EIPR1: variants seen among roughly 807,000 people sequenced by gnomAD.
EIPR1 encodes the protein EARP and GARP complex-interacting protein 1.
A neutral mutation model predicts 48.1 loss-of-function variants in EIPR1; 25 were observed. That is an observed-to-expected ratio of 0.52 (90% CI 0.38 to 0.73). EIPR1 has a LOEUF of 0.73. Ranked by LOEUF, EIPR1 falls within the 30% of genes least tolerant of loss-of-function variation. The pLI is 0.00. For missense variants in EIPR1, 415 were observed against 506.2 expected (o/e 0.82, Z 1.73); for synonymous variants, 204 against 201.9 (o/e 1.01, Z -0.09).
chr2:3,240,585 C>T (rs1666577687), intron 4 of EIPR1, among the ~76,000 whole-genome samples: 1 of 149,244 alleles, frequency 6.7e-6, no homozygotes, highest in South Asian at 2.1e-4. Flanking sequence ...GCCAGCAGAC[C>T]CTTCCTAAAG....
intron 4 of EIPR1, among the ~76,000 whole-genome samples, chr2:3,246,811 GGGAGGGAGGGAGGAAGGGAGGGAA>G (rs1558248756): frequency 4.7e-5 from 3 of 64,160 alleles, no homozygotes; most frequent in South Asian, 1.8e-3. Flanking sequence ...GAGGCAGGGA[GGGAGGGAGGGAGGAAGGGAGGGAA>G]GGAGGAAGGG....
chr2:3,206,071 G>A (rs1665224840), intron 5 of EIPR1, among the ~76,000 whole-genome samples: 1 of 152,284 alleles, frequency 6.6e-6, no homozygotes, highest in East Asian at 1.9e-4. Flanking sequence ...GAAATCTGCT[G>A]GAGTCCCTGA....
chr2:3,293,087 T>C (rs1389532557), intron 3 of EIPR1, among the ~76,000 whole-genome samples: 4 of 152,246 alleles, frequency 2.6e-5, no homozygotes, highest in African/African-American at 7.2e-5. Flanking sequence ...CTACGAGTCT[T>C]CCTCTGTTTC....
chr2:3,237,835 C>T (rs1382530445), intron 4 of EIPR1, among the ~76,000 whole-genome samples: 7 of 152,220 alleles, frequency 4.6e-5, no homozygotes, highest in African/African-American at 1.7e-4. Context: ...CAACAGTCAA[C>T]ACTGAGAACA....
intron 5 of EIPR1, chr2:3,208,636 G>A: frequency 1.9e-6 from 3 of 1,550,598 alleles, no homozygotes; most frequent in South Asian, 1.2e-5. Context: ...ATGGCATTCT[G>A]GTATGCTTGG....
intron 4 of EIPR1, among the ~76,000 whole-genome samples, chr2:3,240,551 C>T (rs1666576103): frequency 1.3e-5 from 2 of 150,432 alleles, no homozygotes; most frequent in East Asian, 2.0e-4. Flanking sequence ...TAAAGCAAAG[C>T]CAGTAGATCC....
rs991883780 is a variant in EIPR1, at chr2:3,189,892, T to C, written c.990-384A>G. On this transcript the variant is annotated intron_variant, in intron 8 of 8. Transcript: ENST00000382125. This position sits in a 1 kb window ranked among gnomAD's most constrained non-coding sequence, Gnocchi z 4.6. ...GGGGGAAGTAGTCACCGTGTCTGGG[T>C]AACACAGGATGTAAACGCCCCTATT... Among the ~76,000 whole-genome samples the C allele has an allele frequency of 3.3e-5, 5 of 152,150 alleles. No individual in the cohort carries two copies. Among genetic ancestry groups the C allele is most frequent in the African/African-American group, 9.7e-5 (4 of 41,444 alleles).
intron 2 of EIPR1, among the ~76,000 whole-genome samples, chr2:3,341,095 CAAAA>C (rs55667121): frequency 1.7e-3 from 37 of 22,192 alleles, no homozygotes; most frequent in African/African-American, 3.3e-3. Context: ...GATCCTGTCT[CAAAA>C]AAAAAAAAAA....
chr2:3,270,869 A>C (rs1480611156), intron 3 of EIPR1, among the ~76,000 whole-genome samples: 1 of 152,242 alleles, frequency 6.6e-6, no homozygotes, highest in Non-Finnish European at 1.5e-5. Context: ...TCTTCTTTTC[A>C]TGAAAGATTT....
intron 3 of EIPR1, chr2:3,274,375 TC>T (rs759105717): frequency 7.1e-6 from 11 of 1,550,188 alleles, no homozygotes; most frequent in Non-Finnish European, 8.7e-6. Context: ...GCAGCTGACT[TC>T]CCAAGAGCAC....
intron 5 of EIPR1, among the ~76,000 whole-genome samples, chr2:3,199,281 T>C (rs778761189): frequency 3.5e-4 from 53 of 152,164 alleles, no homozygotes; most frequent in Non-Finnish European, 6.5e-4. Flanking sequence ...TTTCATATTG[T>C]TCAAACACAC....
At chr2:3,242,024 G>A (rs1030101783) in intron 4 of EIPR1, among the ~76,000 whole-genome samples, 1 of 152,070 alleles carries the variant, frequency 6.6e-6, no homozygotes, top group African/African-American at 2.4e-5. Flanking sequence ...TCCTAGCCCC[G>A]CCGTCATGTA....
chr2:3,189,556 G>A lies in EIPR1; in HGVS notation c.990-48C>T, dbSNP rs1188363692. 3.6e-5 allele frequency: 53 copies of A among 1,479,172 alleles called. No individual in the cohort carries two copies. The highest frequency in any genetic ancestry group is 4.5e-5 in the Non-Finnish European group (49 of 1,098,266). 91.6% of individuals were successfully genotyped at this position (1,479,172 alleles called of 1,614,324 possible). A position where few individuals can be genotyped will look rare whatever the true frequency, so the allele number is the denominator to read the frequency against. On this transcript the variant is annotated intron_variant, in intron 8 of 8. Transcript: ENST00000382125. This position sits in a 1 kb window ranked among gnomAD's most constrained non-coding sequence, Gnocchi z 4.6. ...GTGAGCGCAGCAGCTCCGGCGGGGCGGGCAGGAGAGGGGCAGGGAGGACGC... is the reference window on the plus strand; with the variant it reads ...GTGAGCGCAGCAGCTCCGGCGGGGCAGGCAGGAGAGGGGCAGGGAGGACGC...
intron 8 of EIPR1, among the ~76,000 whole-genome samples, chr2:3,190,205 T>C (rs1664556641): frequency 1.3e-5 from 2 of 152,224 alleles, no homozygotes; most frequent in South Asian, 4.1e-4. Context: ...CAGCACAGCG[T>C]GCATGGGGAG....
chr2:3,230,802 C>G (rs893350590), intron 4 of EIPR1, among the ~76,000 whole-genome samples: 1 of 152,066 alleles, frequency 6.6e-6, no homozygotes, highest in Admixed American at 6.6e-5. Flanking sequence ...GGGCTTTGTT[C>G]TTCTTTCTCA....
intron 1 of EIPR1, among the ~76,000 whole-genome samples, chr2:3,361,141 T>G (rs1475235598): frequency 6.6e-6 from 1 of 152,158 alleles, no homozygotes; most frequent in African/African-American, 2.4e-5. Flanking sequence ...ATGCTCTATT[T>G]CTGAGAGCCC....
chr2:3,251,404 T>C (rs980462433), intron 4 of EIPR1, among the ~76,000 whole-genome samples: 12 of 152,148 alleles, frequency 7.9e-5, no homozygotes, highest in Admixed American at 6.5e-4. Flanking sequence ...CTGCATCTAA[T>C]AAACAAATAA....
In EIPR1 at chr2:3,377,782, C is replaced by G; in HGVS notation, c.-93G>C. ...CACCTCGCGGGCGTGTTCCCAGCGC[C>G]CATTCATTCCCTCCCCGCAGCAAAC... On this transcript the variant is annotated 5_prime_UTR_variant, in exon 1 of 9. Coordinates refer to ENST00000382125, the MANE Select transcript of EIPR1 (RefSeq NM_003310.5). The G allele has an allele frequency of 3.4e-6, 5 of 1,453,122 alleles. No homozygotes were observed. The highest frequency in any genetic ancestry group is 4.7e-6 in the Non-Finnish European group (5 of 1,066,424). 90.0% of individuals were successfully genotyped at this position (1,453,122 alleles called of 1,614,324 possible).
chr2:3,260,630 A>C lies in EIPR1; in HGVS notation c.260-3175T>G, dbSNP rs1403461135. ...ATTTATAATACATATATCTGACAAAAGGCCTGTATCCAGAATAAATATAAA... is the reference window on the plus strand; with the variant it reads ...ATTTATAATACATATATCTGACAAACGGCCTGTATCCAGAATAAATATAAA... On this transcript the variant is annotated intron_variant, in intron 3 of 8. Coordinates refer to ENST00000382125, the MANE Select transcript of EIPR1 (RefSeq NM_003310.5). 3.9e-5 allele frequency among the ~76,000 whole-genome samples: 6 copies of C among 152,226 alleles called. No individual in the cohort carries two copies. In the South Asian group the frequency reaches 1.2e-3, roughly 32 times the overall value.
Sources: allele counts gnomAD v4.1 joint callset (sites outside exome capture counted in the v4.1 genomes callset), GRCh38; gene constraint gnomAD v4.1.1; non-coding constraint Gnocchi (gnomAD v3.1); transcripts MANE v1.5; gene names NCBI Gene and HGNC (gene_info 2026-07-23, HGNC 2026-07-21).